The following GALNTL6 variants were observed in gnomAD, a reference collection of about 807,000 sequenced individuals.
The protein encoded by GALNTL6 is polypeptide N-acetylgalactosaminyltransferase like 6.
Under a neutral mutation model 73.7 loss-of-function variants are expected in GALNTL6, and 46 were observed. That is an observed-to-expected ratio of 0.62 (90% CI 0.49 to 0.80). The LOEUF (loss-of-function observed/expected upper bound fraction) is 0.80. GALNTL6 is among the 30% of genes least tolerant of loss of function. GALNTL6 has a pLI of 0.00. For synonymous variants in GALNTL6, 259 were observed against 263.7 expected, an observed-to-expected ratio of 0.98 and a Z score of 0.17; for missense variants, 604 against 755.0, an observed-to-expected ratio of 0.80 and a Z score of 2.34.
rs147205029 is a variant in GALNTL6, at chr4:171,936,337, G to A, written c.138+121619G>A. Among the ~76,000 whole-genome samples the A allele has an allele frequency of 1.2e-4, 19 of 152,250 alleles. No homozygotes were observed. In the East Asian group the frequency reaches 3.5e-3, roughly 28 times the overall value. ...AAGCACTGGTTCACTGGCTTAATTG[G>A]AGGTGTCCTAGAAGCTATTTTTTTT... On this transcript the variant is annotated intron_variant, in intron 2 of 12. Coordinates refer to ENST00000506823, the MANE Select transcript of GALNTL6 (RefSeq NM_001034845.3).
chr4:171,993,395 G>C (rs764642729), intron 2 of GALNTL6, among the ~76,000 whole-genome samples: 2 of 151,318 alleles, frequency 1.3e-5, no homozygotes, highest in Admixed American at 6.9e-5. Flanking sequence ...TAGTTCAACT[G>C]TATGGAGAAC....
At chr4:171,970,131 G>A (rs1281493405) in intron 2 of GALNTL6, among the ~76,000 whole-genome samples, 1 of 152,156 alleles carries the variant, frequency 6.6e-6, no homozygotes, top group African/African-American at 2.4e-5. Flanking sequence ...CGTATAAATT[G>A]AAGAGAGGAT....
At chr4:172,101,183 C>A (rs1437666080) in intron 2 of GALNTL6, among the ~76,000 whole-genome samples, 1 of 152,060 alleles carries the variant, frequency 6.6e-6, no homozygotes, top group Non-Finnish European at 1.5e-5. Context: ...CTTCTAATCC[C>A]AAGAAAATGC....
At chr4:172,220,813 C>T (rs532727623) in intron 2 of GALNTL6, among the ~76,000 whole-genome samples, 3 of 151,852 alleles carry the variant, frequency 2.0e-5, no homozygotes, top group African/African-American at 7.2e-5. Context: ...TCCAACAAAA[C>T]TGAAAGTAGT....
chr4:172,827,319 C>CCAA (rs1295403720), intron 7 of GALNTL6, among the ~76,000 whole-genome samples: 1 of 152,172 alleles, frequency 6.6e-6, no homozygotes, highest in African/African-American at 2.4e-5. Context: ...TCCCTTCCCT[C>CCAA]CAACAGGCAA....
chr4:172,325,712 A>G (rs1740918634), intron 4 of GALNTL6, among the ~76,000 whole-genome samples: 1 of 151,988 alleles, frequency 6.6e-6, no homozygotes, highest in Admixed American at 6.6e-5. Context: ...AATACACTGG[A>G]AAAATGAAGT....
chr4:172,311,793 G>GTTTTTTTTGT, intron 4 of GALNTL6, 41 bp downstream of exon 4: 1 of 1,394,964 alleles, frequency 7.2e-7, no homozygotes. Context: ...GGTTTTTTTG[G>GTTTTTTTTGT]TTTTTTTTGT....
At chr4:172,571,572 A>G (rs540872581) in intron 5 of GALNTL6, among the ~76,000 whole-genome samples, 3 of 152,354 alleles carry the variant, frequency 2.0e-5, no homozygotes, top group South Asian at 4.1e-4. Context: ...GGAATAAGCC[A>G]GAATGAGCAG....
chr4:172,285,470 G>A (rs992442429), intron 3 of GALNTL6, among the ~76,000 whole-genome samples: 1 of 152,110 alleles, frequency 6.6e-6, no homozygotes, highest in Admixed American at 6.6e-5. Flanking sequence ...AAAGTCTAAT[G>A]TCTCATGAAA....
At chr4:172,170,148 A>G (rs1364945707) in intron 2 of GALNTL6, among the ~76,000 whole-genome samples, 1 of 152,132 alleles carries the variant, frequency 6.6e-6, no homozygotes, top group Non-Finnish European at 1.5e-5. Flanking sequence ...TGTCTTCCTG[A>G]TATAACTGCA....
At chr4:172,269,844 T>C (rs569902740) in intron 3 of GALNTL6, among the ~76,000 whole-genome samples, 290 of 152,108 alleles carry the variant, frequency 1.9e-3, no homozygotes, top group African/African-American at 6.6e-3. Context: ...CTCTGCCTCC[T>C]GGGTTCAAGA....
At chr4:172,061,665 C>CT (rs769411772) in intron 2 of GALNTL6, among the ~76,000 whole-genome samples, 3 of 151,628 alleles carry the variant, frequency 2.0e-5, no homozygotes, top group East Asian at 1.9e-4. Flanking sequence ...AACCTTTGGG[C>CT]TTTTTTTTCT....
At chr4:172,185,685 T>A (rs1178759324) in intron 2 of GALNTL6, among the ~76,000 whole-genome samples, 1 of 152,208 alleles carries the variant, frequency 6.6e-6, no homozygotes, top group East Asian at 1.9e-4. Flanking sequence ...AAAAAGTGAA[T>A]TTCACAATTT....
At chr4:172,142,104 G>A (rs1050053123) in intron 2 of GALNTL6, among the ~76,000 whole-genome samples, 12 of 151,942 alleles carry the variant, frequency 7.9e-5, no homozygotes, top group Admixed American at 2.6e-4. Flanking sequence ...CTGGTACACC[G>A]TTATTTTGTT....
At chr4:172,454,600 G>T (rs893816500) in intron 5 of GALNTL6, among the ~76,000 whole-genome samples, 1 of 152,204 alleles carries the variant, frequency 6.6e-6, no homozygotes, top group African/African-American at 2.4e-5. Context: ...GGAAAGATTA[G>T]AAATAATTGG....
intron 5 of GALNTL6, among the ~76,000 whole-genome samples, chr4:172,703,315 A>T (rs1052582848): frequency 6.6e-6 from 1 of 151,954 alleles, no homozygotes; most frequent in African/African-American, 2.4e-5. Context: ...TATTCATAGG[A>T]TATTACCTAT....
chr4:172,940,208 G>A (rs1167582743), intron 9 of GALNTL6, among the ~76,000 whole-genome samples: 3 of 141,446 alleles, frequency 2.1e-5, no homozygotes, highest in African/African-American at 5.3e-5. Flanking sequence ...TTTTTTTTGA[G>A]ATGGAGTCTC....
chr4:172,483,880 A>C (rs1733581032), intron 5 of GALNTL6, among the ~76,000 whole-genome samples: 3 of 152,192 alleles, frequency 2.0e-5, no homozygotes, highest in Admixed American at 1.3e-4. Context: ...AAAATAAATA[A>C]ATTAGAAATG....
chr4:172,249,855 C>T (rs981447744), intron 3 of GALNTL6, among the ~76,000 whole-genome samples: 4 of 152,194 alleles, frequency 2.6e-5, no homozygotes, highest in Non-Finnish European at 1.5e-5. Context: ...CAGAAGTTTG[C>T]AGCATGGGTG....
Sources: gnomAD v4.1 joint callset for allele counts (sites outside exome capture counted in the v4.1 genomes callset) on GRCh38, gnomAD v4.1.1 for gene constraint, MANE v1.5 for transcripts, NCBI Gene and HGNC (gene_info 2026-07-23, HGNC 2026-07-21) for gene names.